The following NLRP5 variants were observed in gnomAD, a reference collection of about 807,000 sequenced individuals.
The protein encoded by NLRP5 is NACHT, LRR and PYD domains-containing protein 5.
NLRP5 carries 93 observed loss-of-function variants against 113.1 expected under a neutral mutation model. That is an observed-to-expected ratio of 0.82 (90% CI 0.70 to 0.98). The LOEUF is 0.98. NLRP5 is among the 50% of genes least tolerant of loss of function. The pLI is 0.00. For missense variants in NLRP5, 1,808 were observed against 1,514.3 expected, an observed-to-expected ratio of 1.19 and a Z score of -3.22; for synonymous variants, 751 against 600.7, an observed-to-expected ratio of 1.25 and a Z score of -3.66.
At chr19:56,013,347 T>C (rs984809873) in intron 3 of NLRP5, among the ~76,000 whole-genome samples, 1 of 151,904 alleles carries the variant, frequency 6.6e-6, no homozygotes, top group East Asian at 1.9e-4. Context: ...TGCCTACCAC[T>C]ACACCCAGCT....
At chr19:56,024,260 G>A (rs1439816205) in intron 6 of NLRP5, among the ~76,000 whole-genome samples, 1 of 150,136 alleles carries the variant, frequency 6.7e-6, no homozygotes, top group East Asian at 2.0e-4. Flanking sequence ...CCGAGCACTT[G>A]GGAGGCTGAA....
chr19:56,016,155 CTTAT>C (rs1171047126), intron 4 of NLRP5, among the ~76,000 whole-genome samples: 5 of 151,974 alleles, frequency 3.3e-5, no homozygotes, highest in African/African-American at 4.8e-5. Context: ...TTTATTTTTA[CTTAT>C]TTATTTATTT....
intron 1 of NLRP5, among the ~76,000 whole-genome samples, chr19:56,002,152 T>C (rs141966893): frequency 4.4e-4 from 67 of 152,318 alleles, no homozygotes; most frequent in African/African-American, 1.6e-3. Flanking sequence ...TTGGTCCTGA[T>C]GGTGATTTAC....
rs779624422 is a variant in NLRP5 at position 56,033,691 on chromosome 19, G to A, written c.2597G>A (p.Cys866Tyr). Residue 866 changes from cysteine (C) to tyrosine (Y), a missense_variant, in exon 9 of 15, where the codon TGT (cysteine) becomes TAT (tyrosine). Physicochemically the swap from Cys to Tyr is radical, Grantham distance 194. Coordinates refer to ENST00000390649, the MANE Select transcript of NLRP5 (RefSeq NM_153447.4). Reference sequence around the variant, plus strand: ...TGTGAAGCCTTAAAACACCCAAAATGTTTGTTGGAGTCTTTGAGGTACGTC... The same window carrying A: ...TGTGAAGCCTTAAAACACCCAAAATATTTGTTGGAGTCTTTGAGGTACGTC... The A allele has an allele frequency of 5.6e-6, 9 of 1,612,988 alleles. No homozygotes were observed. The African/African-American group carries it at 6.7e-5, about 12-fold the overall frequency.
Position 56,033,697 on chromosome 19 carries a change from T to C in NLRP5, c.2603T>C (p.Leu868Ser), listed in dbSNP as rs1983209325. The C allele has an allele frequency of 6.2e-7, 1 of 1,613,072 alleles. No individual in the cohort carries two copies. Among genetic ancestry groups the C allele is most frequent in the Non-Finnish European group, 8.5e-7 (1 of 1,179,476 alleles). Residue 868 changes from leucine (L) to serine (S), a missense_variant, in exon 9 of 15, where the codon TTG becomes TCG. Leu to Ser is a moderately radical substitution (Grantham distance 145). Transcript: ENST00000390649. ...GCCTTAAAACACCCAAAATGTTTGT[T>C]GGAGTCTTTGAGGTACGTCTCTGGT...
intron 4 of NLRP5, among the ~76,000 whole-genome samples, chr19:56,018,074 A>C (rs901532630): frequency 6.6e-6 from 1 of 152,222 alleles, no homozygotes; most frequent in African/African-American, 2.4e-5. Flanking sequence ...TGGTGTATAT[A>C]CACAATGGGT....
the NLRP5 span, chr19:55,988,611 T>A: frequency 7.9e-6 from 1 of 126,986 alleles, no homozygotes; most frequent in Non-Finnish European, 1.8e-5. Flanking sequence ...ATCTTAAAAA[T>A]AAAATCACTG....
intron 2 of NLRP5, among the ~76,000 whole-genome samples, chr19:56,006,316 C>T (rs1163126588): frequency 6.6e-6 from 1 of 151,998 alleles, no homozygotes; most frequent in African/African-American, 2.4e-5. Flanking sequence ...AGGAGATATA[C>T]CTAATGTAAA....
chr19:55,988,536 T>C, the NLRP5 span: 1 of 150,434 alleles, frequency 6.6e-6, no homozygotes, highest in Non-Finnish European at 1.5e-5. Flanking sequence ...GTCTTCATCG[T>C]CTTCTTGCTT....
In NLRP5 at chr19:56,044,414, G is replaced by A. The variant is rs142397451; in HGVS notation, c.2957+3322G>A. On this transcript the variant is annotated intron_variant, in intron 11 of 14. Coordinates refer to ENST00000390649, the MANE Select transcript of NLRP5 (RefSeq NM_153447.4). Reference sequence around the variant, plus strand: ...TGTGTTAGGTGAGAGATGAGGATCCGGTTTCATTCTCCGACATGTGGCTAG... The same window carrying A: ...TGTGTTAGGTGAGAGATGAGGATCCAGTTTCATTCTCCGACATGTGGCTAG... Among the ~76,000 whole-genome samples, 662 of 152,258 alleles carry A rather than the reference G, an allele frequency of 4.3e-3. 9 individuals carry two copies. Among genetic ancestry groups the A allele is most frequent in the Non-Finnish European group, 6.5e-3 (442 of 68,026 alleles).
chr19:56,000,353 C>G (rs564429398), intron 1 of NLRP5, among the ~76,000 whole-genome samples: 4 of 120,118 alleles, frequency 3.3e-5, no homozygotes, highest in Admixed American at 8.1e-5. Flanking sequence ...CCACATATAT[C>G]ACCTCATGTT....
intron 9 of NLRP5, among the ~76,000 whole-genome samples, chr19:56,037,417 C>G (rs1039828388): frequency 2.0e-5 from 3 of 152,036 alleles, no homozygotes; most frequent in Non-Finnish European, 2.9e-5. Flanking sequence ...GGGTGGAGGC[C>G]GGGCACAGTG....
rs770958549 is a variant in NLRP5, at chr19:56,053,673, A to G, written c.3164A>G (p.Glu1055Gly). The change falls in exon 13 of 15, where the codon GAG (glutamate) becomes GGG (glycine). Residue 1055 changes from glutamate (E) to glycine (G), a missense_variant. Coordinates refer to ENST00000390649, the MANE Select transcript of NLRP5 (RefSeq NM_153447.4). ...TGTCATCTCACCGCCGCGTGCTGTGAGAGTCTGTCCTGTGTGATCTCGAGG... is the reference window on the plus strand; with the variant it reads ...TGTCATCTCACCGCCGCGTGCTGTGGGAGTCTGTCCTGTGTGATCTCGAGG... 1 of 1,613,904 alleles carries G rather than the reference A, an allele frequency of 6.2e-7. No homozygotes were observed. The highest frequency in any genetic ancestry group is 8.5e-7 in the Non-Finnish European group (1 of 1,179,870).
the NLRP5 span, among the ~76,000 whole-genome samples, chr19:55,989,449 C>T: frequency 6.6e-6 from 1 of 152,104 alleles, no homozygotes; most frequent in Non-Finnish European, 1.5e-5. Flanking sequence ...GACGGGGTTT[C>T]CCCATGTTGG....
intron 10 of NLRP5, among the ~76,000 whole-genome samples, chr19:56,039,090 A>G (rs952265945): frequency 4.6e-5 from 7 of 152,170 alleles, no homozygotes; most frequent in African/African-American, 1.4e-4. Flanking sequence ...AAATCCCTCC[A>G]ACCCTTCCTC....
At chr19:56,005,210 T>TAC (rs201854651) in intron 2 of NLRP5, among the ~76,000 whole-genome samples, 19,704 of 135,892 alleles carry the variant, frequency 0.14, 1,461 homozygotes, top group South Asian at 0.18. Context: ...CACATACACA[T>TAC]ACACACATAT....
intron 11 of NLRP5, among the ~76,000 whole-genome samples, chr19:56,046,701 C>T (rs375845354): frequency 4.6e-5 from 7 of 150,936 alleles, no homozygotes; most frequent in Non-Finnish European, 5.9e-5. Context: ...CCACTGCGGC[C>T]GGCTAATTTT....
At chr19:56,029,642 T>G (rs1237891122) in intron 7 of NLRP5, among the ~76,000 whole-genome samples, 1 of 152,224 alleles carries the variant, frequency 6.6e-6, no homozygotes, top group Non-Finnish European at 1.5e-5. Flanking sequence ...TTTGCTGGAC[T>G]GTCTCAGTGT....
At chr19:56,059,457 G>A (rs1984273975) in intron 14 of NLRP5, among the ~76,000 whole-genome samples, 1 of 152,190 alleles carries the variant, frequency 6.6e-6, no homozygotes, top group African/African-American at 2.4e-5. Flanking sequence ...GTACTTGAAG[G>A]GAGTAAAATC....
Sources: gnomAD v4.1 joint callset for allele counts (sites outside exome capture counted in the v4.1 genomes callset) on GRCh38, gnomAD v4.1.1 for gene constraint, MANE v1.5 for transcripts, NCBI Gene and HGNC (gene_info 2026-07-23, HGNC 2026-07-21) for gene names.